IQSEC2: variants seen among roughly 807,000 people sequenced by gnomAD.
IQSEC2 encodes the protein IQ motif and Sec7 domain ArfGEF 2.
A neutral mutation model predicts 74.6 loss-of-function variants in IQSEC2; 6 were observed. That is an observed-to-expected ratio of 0.08 (90% CI 0.04 to 0.16). The LOEUF is 0.16. IQSEC2 is among the 10% of genes least tolerant of loss of function. The pLI is 1.00. For synonymous variants in IQSEC2, 494 were observed against 544.5 expected (o/e 0.91, Z 1.29); for missense variants, 734 against 1,306.2 (o/e 0.56, Z 6.75).
chrX:53,234,436 T>TG lies in IQSEC2; in HGVS notation c.4249dup (p.His1417ProfsTer190). The TG allele has an allele frequency of 1.6e-6, 1 of 613,022 alleles. No homozygotes were observed. 50.5% of individuals were successfully genotyped at this position (613,022 alleles called of 1,213,427 possible). A position where few individuals can be genotyped will look rare whatever the true frequency, so the allele number is the denominator to read the frequency against. On this transcript the variant is annotated frameshift_variant, in exon 15 of 15. Transcript: ENST00000642864. LOFTEE classifies it high-confidence loss of function. ...CAATGGTGACTGGGGGTGGTGGGGG[T>TG]GGGAGTAGGAGCCCCCTGGTGGCCG... is the stretch of plus-strand genomic sequence containing the variant.
Position 53,248,851 on chromosome X carries a change from C to T in IQSEC2, c.2329G>A (p.Glu777Lys), listed in dbSNP as rs782517076. 1.7e-6 allele frequency: 2 copies of T among 1,209,217 alleles called. No homozygotes were observed. Among genetic ancestry groups the T allele is most frequent in the African/African-American group, 1.7e-5 (1 of 57,163 alleles). ...KPEKGIQYLI[E>K]RGFLSDTPVG... ...GGTGTGTCTGACAGGAAGCCCCGCT[C>T]GATCAGATACTGGATACCCTTCTCT... The change falls in exon 6 of 15, where the codon GAG becomes AAG. Residue 777 changes from glutamate to lysine, a missense_variant. By Grantham distance (56) the Glu-to-Lys change is moderately conservative. This residue lies in a region of IQSEC2 where 14 missense variants were observed against 20.4 expected (regional missense o/e 0.69). Coordinates refer to ENST00000642864, the MANE Select transcript of IQSEC2 (RefSeq NM_001111125.3).
At chrX:53,309,456 G>A (rs868956602) in intron 1 of IQSEC2, among the ~76,000 whole-genome samples, 12 of 112,444 alleles carry the variant, frequency 1.1e-4, no homozygotes, top group South Asian at 3.7e-4. Flanking sequence ...CTTCCACACT[G>A]TAAATATGAA....
chrX:53,305,421 C>G (rs1488110846), intron 1 of IQSEC2, among the ~76,000 whole-genome samples: 1 of 110,708 alleles, frequency 9.0e-6, no homozygotes, highest in Non-Finnish European at 1.9e-5. Context: ...GCTATGTTGC[C>G]CAGGCTGGTC....
In IQSEC2 at chrX:53,321,000, G is replaced by A; in HGVS notation, c.124C>T (p.Arg42Trp). ...TGGCCCTCCAGCTCCTCGATGCGCC[G>A]CCGCTGGGTTTCCAGCAGCTGCTGC... Reference protein sequence around the residue: ...SQQQLLETQRRRIEELEGQLD... With the variant: ...SQQQLLETQRWRIEELEGQLD... Residue 42 changes from arginine (R) to tryptophan (W), a missense_variant, in exon 1 of 15, where the codon CGG becomes TGG. Arg to Trp is a moderately radical substitution (Grantham distance 101). Coordinates refer to ENST00000642864, the MANE Select transcript of IQSEC2 (RefSeq NM_001111125.3). 8.6e-7 allele frequency: 1 copy of A among 1,158,365 alleles called. No homozygotes were observed.
chrX:53,284,743 C>T (rs1488065903), intron 2 of IQSEC2, among the ~76,000 whole-genome samples: 4 of 112,002 alleles, frequency 3.6e-5, no homozygotes, highest in Non-Finnish European at 5.6e-5. Context: ...CACTCAGCAC[C>T]GGGCACCTGG....
rs782526667 is a variant in IQSEC2, at chrX:53,273,307, T to C, written c.738-17246A>G. On this transcript the variant is annotated intron_variant, in intron 2 of 14. Transcript: ENST00000642864. Reference sequence around the variant, plus strand: ...TCTGGCAGCCTTCTGGGCCTACTTCTGTCCCATCCCAAATCACACTACGGT... The same window carrying C: ...TCTGGCAGCCTTCTGGGCCTACTTCCGTCCCATCCCAAATCACACTACGGT... 1.4e-4 allele frequency among the ~76,000 whole-genome samples: 15 copies of C among 110,566 alleles called. No homozygotes were observed. The South Asian group carries it at 5.8e-3, about 43-fold the overall frequency.
chrX:53,299,036 A>G (rs1301361148), intron 1 of IQSEC2, among the ~76,000 whole-genome samples: 1 of 110,517 alleles, frequency 9.0e-6, no homozygotes, highest in Non-Finnish European at 1.9e-5. Flanking sequence ...TTTTAAAAAC[A>G]TATGCTGAGG....
chrX:53,271,962 G>A (rs1556868738), intron 2 of IQSEC2, among the ~76,000 whole-genome samples: 2 of 111,289 alleles, frequency 1.8e-5, no homozygotes, highest in African/African-American at 6.5e-5. Context: ...CCGGAGGTTC[G>A]TGGGGTTCCT....
intron 2 of IQSEC2, among the ~76,000 whole-genome samples, chrX:53,276,643 C>T (rs1432838516): frequency 1.8e-5 from 2 of 112,068 alleles, no homozygotes; most frequent in East Asian, 5.5e-4. Context: ...GGAAATGTAT[C>T]TAGGGCCTCA....
At chrX:53,298,225 CT>C (rs1463419914) in intron 1 of IQSEC2, among the ~76,000 whole-genome samples, 6 of 109,565 alleles carry the variant, frequency 5.5e-5, no homozygotes, top group Middle Eastern at 4.7e-3. Flanking sequence ...GATTCCGTGG[CT>C]TTTTTTTTCC....
intron 1 of IQSEC2, among the ~76,000 whole-genome samples, chrX:53,293,811 CACT>C (rs1556873650): frequency 8.9e-6 from 1 of 112,356 alleles, no homozygotes; most frequent in Non-Finnish European, 1.9e-5. Flanking sequence ...CCCCCACCAC[CACT>C]GTGAACAAAC....
chrX:53,245,420 C>A (rs1262401214), intron 8 of IQSEC2, among the ~76,000 whole-genome samples: 2 of 88,310 alleles, frequency 2.3e-5, no homozygotes, highest in African/African-American at 7.9e-5. Flanking sequence ...AGAGTGAGAC[C>A]CTGTCTCTAA....
At chrX:53,243,286 G>C (rs1556861284) in intron 9 of IQSEC2, 46 bp downstream of exon 9, 2 of 1,105,620 alleles carry the variant, frequency 1.8e-6, no homozygotes, top group Non-Finnish European at 2.4e-6. Context: ...TAGTGGCAGA[G>C]GCAGACCTGA....
chrX:53,230,592 TTTTGTTTG>T (rs1193064912), downstream of IQSEC2: 1 of 115,502 alleles, frequency 8.7e-6, no homozygotes, highest in Non-Finnish European at 1.8e-5. Context: ...TGTCCTTTGT[TTTTGTTTG>T]TTTGTTTGTT....
At chrX:53,259,932 T>C (rs113513435) in intron 2 of IQSEC2, among the ~76,000 whole-genome samples, 2,805 of 112,409 alleles carry the variant, frequency 0.025, 89 homozygotes, top group African/African-American at 0.086. Flanking sequence ...CCAGGCACAG[T>C]GCTGGGTGCT....
At position 53,303,582 on chromosome X, in the gene IQSEC2, C is replaced by T. The variant is rs183831432; in HGVS notation, c.708-11658G>A. Reference sequence around the variant, plus strand: ...TTGGGAGGCCAAGGCGGGTGAATTGCCTGAGGTCAGGGGTTGGAGACCAGC... The same window carrying T: ...TTGGGAGGCCAAGGCGGGTGAATTGTCTGAGGTCAGGGGTTGGAGACCAGC... On this transcript the variant is annotated intron_variant, in intron 1 of 14. Coordinates refer to ENST00000642864, the MANE Select transcript of IQSEC2 (RefSeq NM_001111125.3). Among the ~76,000 whole-genome samples, 6 of 110,657 alleles carry T rather than the reference C, an allele frequency of 5.4e-5. 1 individual carries two copies. The East Asian group carries it at 1.7e-3, about 32-fold the overall frequency.
chrX:53,278,232 G>A (rs914582566), intron 2 of IQSEC2, among the ~76,000 whole-genome samples: 13 of 108,875 alleles, frequency 1.2e-4, no homozygotes, highest in African/African-American at 4.0e-4. Flanking sequence ...GGATGGTCTC[G>A]ATCTCCTGAC....
intron 1 of IQSEC2, among the ~76,000 whole-genome samples, chrX:53,314,826 G>C (rs1428601526): frequency 9.0e-6 from 1 of 111,598 alleles, no homozygotes; most frequent in South Asian, 3.7e-4. Context: ...TTGATGGAGA[G>C]AGAGCAGGAG....
chrX:53,272,830 G>C (rs1199615028), intron 2 of IQSEC2, among the ~76,000 whole-genome samples: 1 of 111,703 alleles, frequency 9.0e-6, no homozygotes, highest in Admixed American at 9.5e-5. Flanking sequence ...CCCATTCTTT[G>C]CTCCAGAACC....
Sources: gnomAD v4.1 joint callset for allele counts (sites outside exome capture counted in the v4.1 genomes callset) on GRCh38, gnomAD v4.1.1 for gene constraint, gnomAD v4.1.1 regional missense constraint, MANE v1.5 for transcripts, NCBI Gene and HGNC (gene_info 2026-07-23, HGNC 2026-07-21) for gene names.